The following TBL1XR1 variants were observed in gnomAD, a reference collection of about 807,000 sequenced individuals.
TBL1XR1 encodes F-box-like/WD repeat-containing protein TBL1XR1.
In TBL1XR1, 5 loss-of-function variants were observed where a neutral mutation model predicts 66.9. The observed-to-expected ratio is 0.07, with a 90% CI of 0.04 to 0.16. TBL1XR1 has a LOEUF of 0.16. Among genes scored for constraint, TBL1XR1 ranks in the 10% least tolerant of loss-of-function variants. TBL1XR1 has a pLI of 1.00. For missense variants in TBL1XR1, 238 were observed against 623.2 expected (o/e 0.38, Z 6.58); for synonymous variants, 210 against 206.0 (o/e 1.02, Z -0.17).
intron 3 of TBL1XR1, among the ~76,000 whole-genome samples, chr3:177,063,832 T>C (rs1718812906): frequency 6.6e-6 from 1 of 152,154 alleles, no homozygotes; most frequent in African/African-American, 2.4e-5. Flanking sequence ...CTTTCACAGC[T>C]GTTACACCTC....
chr3:177,179,614 A>G (rs959073743), intron 1 of TBL1XR1, among the ~76,000 whole-genome samples: 3 of 152,162 alleles, frequency 2.0e-5, no homozygotes, highest in African/African-American at 4.8e-5. Flanking sequence ...CCTAAACCCA[A>G]CCTCAAAGTT....
At chr3:177,069,797 G>GAAGGAAAGGAAGGA (rs1553824741) in intron 2 of TBL1XR1, among the ~76,000 whole-genome samples, 1 of 70,160 alleles carries the variant, frequency 1.4e-5, no homozygotes, top group African/African-American at 5.6e-5. Context: ...GGAAGGAAAG[G>GAAGGAAAGGAAGGA]AAGGAAGGAA....
rs191817390 is a variant in TBL1XR1 at position 177,024,956 on chromosome 3, A to G, written c.*542T>C. 1 of 152,988 alleles carries G rather than the reference A, an allele frequency of 6.5e-6. No individual in the cohort carries two copies. Among genetic ancestry groups the G allele is most frequent in the African/African-American group, 2.4e-5 (1 of 41,582 alleles). 9.5% of individuals were successfully genotyped at this position (152,988 alleles called of 1,614,324 possible). ...AGAATTTTTTGTTTAAAAGGTGAAA[A>G]AAATATAAACAAGAAACTGATTCAC... On this transcript the variant is annotated 3_prime_UTR_variant, in exon 16 of 16. Coordinates refer to ENST00000457928, the MANE Select transcript of TBL1XR1 (RefSeq NM_024665.7).
rs796600655 is a variant in TBL1XR1 at position 177,023,881 on chromosome 3, C to T, written c.*1617G>A. On this transcript the variant is annotated 3_prime_UTR_variant, in exon 16 of 16. Coordinates refer to ENST00000457928, the MANE Select transcript of TBL1XR1 (RefSeq NM_024665.7). ...TAAGCAATTCCTTAATTAAAATCTTCGAGATATAAATTTGATGACTATTCT... is the reference window on the plus strand; with the variant it reads ...TAAGCAATTCCTTAATTAAAATCTTTGAGATATAAATTTGATGACTATTCT... The T allele has an allele frequency of 9.9e-5, 15 of 152,042 alleles. No individual in the cohort carries two copies. Among genetic ancestry groups the T allele is most frequent in the African/African-American group, 3.4e-4 (14 of 41,518 alleles). 9.4% of individuals were successfully genotyped at this position (152,042 alleles called of 1,614,324 possible). A position where few individuals can be genotyped will look rare whatever the true frequency, so the allele number is the denominator to read the frequency against.
chr3:177,163,015 G>A (rs921206688), intron 1 of TBL1XR1, among the ~76,000 whole-genome samples: 6 of 152,240 alleles, frequency 3.9e-5, no homozygotes, highest in East Asian at 1.9e-4. Flanking sequence ...ACAAATGCAC[G>A]TATCCTTTGA....
At chr3:177,033,160 TA>T in intron 13 of TBL1XR1, 24 bp from the exon 14 acceptor site, 1 of 1,497,972 alleles carries the variant, frequency 6.7e-7, no homozygotes, top group Non-Finnish European at 9.0e-7. Context: ...GAAAGAAAGT[TA>T]ATTTATAAGT....
intron 1 of TBL1XR1, among the ~76,000 whole-genome samples, chr3:177,171,140 A>C (rs1733439540): frequency 1.3e-5 from 2 of 151,724 alleles, no homozygotes; most frequent in Admixed American, 1.3e-4. Context: ...CAGGTGTTTA[A>C]GACACACCTG....
chr3:177,065,728 A>C (rs1719069608), intron 2 of TBL1XR1, among the ~76,000 whole-genome samples: 1 of 152,230 alleles, frequency 6.6e-6, no homozygotes, highest in Admixed American at 6.5e-5. Flanking sequence ...GAGGTCAGGA[A>C]ACTTTTATAT....
Position 177,025,144 on chromosome 3 carries a change from G to A in TBL1XR1, c.*354C>T, listed in dbSNP as rs957865209. ...ATCCATGGTGTCTGCTGATTCAAAGGGGAGAAACAAGGCTGTCATTTAGTA... is the reference window on the plus strand; with the variant it reads ...ATCCATGGTGTCTGCTGATTCAAAGAGGAGAAACAAGGCTGTCATTTAGTA... On this transcript the variant is annotated 3_prime_UTR_variant, in exon 16 of 16. Transcript: ENST00000457928. The A allele has an allele frequency of 8.6e-6, 2 of 233,758 alleles. No individual in the cohort carries two copies. Among genetic ancestry groups the A allele is most frequent in the Middle Eastern group, 1.3e-3 (1 of 748 alleles). The allele number at this position is 233,758 out of a possible 1,614,324, so 14.5% of individuals were successfully genotyped here.
intron 1 of TBL1XR1, among the ~76,000 whole-genome samples, chr3:177,134,299 G>T (rs1241479472): frequency 6.6e-6 from 1 of 152,142 alleles, no homozygotes; most frequent in East Asian, 1.9e-4. Context: ...CCAAGAGTAT[G>T]AAAGAGGTCA....
chr3:177,035,016 C>CA (rs1714568536), intron 12 of TBL1XR1, among the ~76,000 whole-genome samples: 1 of 152,010 alleles, frequency 6.6e-6, no homozygotes, highest in African/African-American at 2.4e-5. Context: ...ATACAACATG[C>CA]CAAACCCAAG....
intron 1 of TBL1XR1, among the ~76,000 whole-genome samples, chr3:177,148,820 C>T (rs1170362978): frequency 1.3e-5 from 2 of 152,004 alleles, no homozygotes; most frequent in African/African-American, 4.8e-5. Context: ...GCCTGGCAAA[C>T]ATGGAGAAAC....
At chr3:177,049,928 C>T (rs775047698) in intron 7 of TBL1XR1, 69 bp downstream of exon 7, 135 of 1,535,010 alleles carry the variant, frequency 8.8e-5, no homozygotes, top group Admixed American at 2.8e-4. Flanking sequence ...CAAACCCTGC[C>T]GTGAGTATGA....
intron 1 of TBL1XR1, among the ~76,000 whole-genome samples, chr3:177,114,038 A>G (rs563624207): frequency 5.3e-5 from 8 of 152,314 alleles, no homozygotes; most frequent in Middle Eastern, 6.8e-3. Flanking sequence ...AGTTAGACAA[A>G]AAGAATAAAC....
chr3:177,164,730 A>G (rs1294004981), intron 1 of TBL1XR1, among the ~76,000 whole-genome samples: 2 of 152,216 alleles, frequency 1.3e-5, no homozygotes, highest in African/African-American at 2.4e-5. Context: ...AACTGAAAGA[A>G]TATTGTTAAA....
chr3:177,113,194 T>C (rs1039614469), intron 1 of TBL1XR1, among the ~76,000 whole-genome samples: 1 of 151,676 alleles, frequency 6.6e-6, no homozygotes, highest in African/African-American at 2.4e-5. Flanking sequence ...ACCCTTATCT[T>C]TCACCATATA....
intron 2 of TBL1XR1, among the ~76,000 whole-genome samples, chr3:177,077,485 C>T (rs775551121): frequency 3.3e-5 from 5 of 152,144 alleles, no homozygotes; most frequent in East Asian, 3.9e-4. Context: ...AAAATCTACA[C>T]GTTCTAAAAT....
intron 1 of TBL1XR1, among the ~76,000 whole-genome samples, chr3:177,159,364 A>C (rs970066298): frequency 6.6e-6 from 1 of 152,184 alleles, no homozygotes; most frequent in South Asian, 2.1e-4. Flanking sequence ...CATTTTATAA[A>C]ATAAGGGCCC....
At chr3:177,178,817 C>G (rs1734457492) in intron 1 of TBL1XR1, among the ~76,000 whole-genome samples, 1 of 151,972 alleles carries the variant, frequency 6.6e-6, no homozygotes, top group South Asian at 2.1e-4. Context: ...GGTTTCTTTT[C>G]TTTTATAACC....
Sources: gnomAD v4.1 joint callset for allele counts (sites outside exome capture counted in the v4.1 genomes callset) on GRCh38, gnomAD v4.1.1 for gene constraint, MANE v1.5 for transcripts, NCBI Gene and HGNC (gene_info 2026-07-23, HGNC 2026-07-21) for gene names.